The following FIRRM variants were observed in gnomAD, a reference collection of about 807,000 sequenced individuals.
The protein encoded by FIRRM is FIGNL1 interacting regulator of recombination and mitosis.
chr1:169,812,356 T>G, the FIRRM span, among the ~76,000 whole-genome samples: 2 of 152,236 alleles, frequency 1.3e-5, no homozygotes, highest in South Asian at 4.1e-4. Context: ...GAGACACAAG[T>G]AAGTAGGTAA....
chr1:169,842,819 A>G, the FIRRM span, among the ~76,000 whole-genome samples: 3 of 151,976 alleles, frequency 2.0e-5, no homozygotes, highest in East Asian at 1.9e-4. Flanking sequence ...CTCTTCCCCT[A>G]TTGTTTCTGT....
At chr1:169,802,227 A>AT in the FIRRM span, among the ~76,000 whole-genome samples, 3 of 152,194 alleles carry the variant, frequency 2.0e-5, no homozygotes, top group African/African-American at 7.2e-5. Context: ...TTCAGTGCAA[A>AT]TTCCTTCCAG....
chr1:169,811,763 G>C, the FIRRM span, among the ~76,000 whole-genome samples: 1 of 130,920 alleles, frequency 7.6e-6, no homozygotes, highest in Non-Finnish European at 1.8e-5. Flanking sequence ...ATAGATAATA[G>C]ACAGATTATC....
the FIRRM span, among the ~76,000 whole-genome samples, chr1:169,842,112 G>A: frequency 9.9e-5 from 15 of 151,388 alleles, no homozygotes; most frequent in African/African-American, 3.6e-4. Flanking sequence ...GGAGTTGGAG[G>A]TTGCAGTGAG....
chr1:169,846,601 G>A, the FIRRM span, among the ~76,000 whole-genome samples: 12 of 152,096 alleles, frequency 7.9e-5, no homozygotes, highest in Admixed American at 2.0e-4. Context: ...TTTGTGTTAC[G>A]GAGATTGCTT....
chr1:169,851,686 G>T, the FIRRM span: 1 of 995,688 alleles, frequency 1.0e-6, no homozygotes, highest in Non-Finnish European at 1.5e-6. Context: ...AGTATTTATA[G>T]ATCAGTCCAT....
the FIRRM span, among the ~76,000 whole-genome samples, chr1:169,846,009 AG>A: frequency 8.5e-5 from 13 of 152,352 alleles, no homozygotes; most frequent in Admixed American, 3.3e-4. Flanking sequence ...TTTCTTAAAC[AG>A]TAAGACTTGA....
the FIRRM span, among the ~76,000 whole-genome samples, chr1:169,811,789 CAGATTATCT>C: frequency 7.5e-6 from 1 of 133,348 alleles, no homozygotes; most frequent in South Asian, 2.4e-4. Context: ...AGATAATAGA[CAGATTATCT>C]AAATAGATAA....
chr1:169,811,789 CAG>C, the FIRRM span, among the ~76,000 whole-genome samples: 1 of 133,348 alleles, frequency 7.5e-6, no homozygotes, highest in Non-Finnish European at 1.6e-5. Context: ...AGATAATAGA[CAG>C]ATTATCTAAA....
chr1:169,848,495 T>G, the FIRRM span, among the ~76,000 whole-genome samples: 107,423 of 152,110 alleles, frequency 0.71, 38,137 homozygotes, highest in Middle Eastern at 0.85. Flanking sequence ...GCAAACACAT[T>G]ATAGACAGTA....
At chr1:169,829,426 C>T in the FIRRM span, 1 of 1,612,436 alleles carries the variant, frequency 6.2e-7, no homozygotes, top group African/African-American at 1.3e-5. Flanking sequence ...TACTTCCTTT[C>T]ATCCCTCACT....
chr1:169,795,646 A>G, the FIRRM span: 1 of 992,190 alleles, frequency 1.0e-6, no homozygotes, highest in Non-Finnish European at 1.2e-6. Context: ...GTCTCCCGTA[A>G]AAAGGGTGGT....
At chr1:169,830,762 A>G in the FIRRM span, 1 of 1,612,768 alleles carries the variant, frequency 6.2e-7, no homozygotes, top group Non-Finnish European at 8.5e-7. Flanking sequence ...GTAGAATTAC[A>G]AGGCCTAAAA....
chr1:169,811,680 A>AATAGATAATAGATAGATTATCTAG, the FIRRM span, among the ~76,000 whole-genome samples: 768 of 137,822 alleles, frequency 5.6e-3, 25 homozygotes, highest in Middle Eastern at 0.019. Flanking sequence ...AGATAATCTA[A>AATAGATAATAGATAGATTATCTAG]ATAGATAATA....
chr1:169,849,686 A>G, the FIRRM span: 2 of 1,096,238 alleles, frequency 1.8e-6, no homozygotes, highest in Non-Finnish European at 2.7e-6. Flanking sequence ...CAAAACATTT[A>G]TTGAACTGCT....
chr1:169,804,172 A>G, the FIRRM span: 1 of 1,601,142 alleles, frequency 6.2e-7, no homozygotes, highest in South Asian at 1.1e-5. Flanking sequence ...CAGTTAATGG[A>G]ACTGCTGGAC....
the FIRRM span, among the ~76,000 whole-genome samples, chr1:169,841,870 A>G: frequency 1.3e-5 from 2 of 152,116 alleles, no homozygotes; most frequent in Non-Finnish European, 2.9e-5. Flanking sequence ...TGGGTTACCA[A>G]CATTTCACCC....
At chr1:169,851,008 TTTG>T in the FIRRM span, 395 of 27,278 alleles carry the variant, frequency 0.014, 95 homozygotes, top group East Asian at 0.21. Context: ...TTTTTTTTTA[TTTG>T]GGCAGCCTCC....
the FIRRM span, chr1:169,851,967 T>G: frequency 6.2e-7 from 1 of 1,613,828 alleles, no homozygotes; most frequent in African/African-American, 1.3e-5. Flanking sequence ...GGGCCAAACT[T>G]TAACAAGGCA....
Sources: gnomAD v4.1 joint callset for allele counts (sites outside exome capture counted in the v4.1 genomes callset) on GRCh38, gnomAD v4.1.1 for gene constraint, MANE v1.5 for transcripts, NCBI Gene and HGNC (gene_info 2026-07-23, HGNC 2026-07-21) for gene names.